ROBO1: variants seen among roughly 807,000 people sequenced by gnomAD.
ROBO1 encodes the protein roundabout guidance receptor 1, also known as roundabout homolog 1.
A neutral mutation model predicts 195.9 loss-of-function variants in ROBO1; 149 were observed. The observed-to-expected ratio is 0.76, with a 90% confidence interval of 0.67 to 0.87. ROBO1 has a LOEUF of 0.87. ROBO1 is among the 40% of genes least tolerant of loss of function. ROBO1 has a pLI of 0.00. For synonymous variants in ROBO1, 816 were observed against 733.2 expected (o/e 1.11, Z -1.82); for missense variants, 1,933 against 2,068.3 (o/e 0.93, Z 1.27).
chr3:78,768,795 G>GA (rs2083293390), intron 4 of ROBO1, among the ~76,000 whole-genome samples: 1 of 147,680 alleles, frequency 6.8e-6, no homozygotes, highest in South Asian at 2.2e-4. Context: ...ATCTCCCAAT[G>GA]CTATCCCTCC....
chr3:78,936,328 C>G (rs2039805858), intron 4 of ROBO1, among the ~76,000 whole-genome samples: 1 of 152,040 alleles, frequency 6.6e-6, no homozygotes, highest in African/African-American at 2.4e-5. Flanking sequence ...GAAAGCATTA[C>G]CAACAACTGC....
At chr3:78,840,331 A>C (rs555623155) in intron 4 of ROBO1, among the ~76,000 whole-genome samples, 8 of 152,328 alleles carry the variant, frequency 5.3e-5, no homozygotes, top group African/African-American at 1.9e-4. Context: ...CCAGTCTACC[A>C]CTTATACTCA....
At chr3:79,448,633 A>T (rs942748334) in intron 2 of ROBO1, among the ~76,000 whole-genome samples, 3 of 152,168 alleles carry the variant, frequency 2.0e-5, no homozygotes, top group African/African-American at 7.2e-5. Context: ...TCACCGCGAT[A>T]TGAGCTTGAT....
At chr3:79,650,380 C>A (rs1945967125) in intron 1 of ROBO1, among the ~76,000 whole-genome samples, 1 of 151,470 alleles carries the variant, frequency 6.6e-6, no homozygotes, top group Non-Finnish European at 1.5e-5. Context: ...AAATGATAAT[C>A]AATTTATAAC....
chr3:78,765,123 C>A (rs1003870330), intron 4 of ROBO1, among the ~76,000 whole-genome samples: 2 of 151,914 alleles, frequency 1.3e-5, no homozygotes, highest in African/African-American at 4.8e-5. Context: ...AAGAGGAGCA[C>A]GTCACCATCA....
intron 21 of ROBO1, 94 bp downstream of exon 21, chr3:78,646,054 T>C: frequency 8.9e-7 from 1 of 1,121,784 alleles, no homozygotes; most frequent in Non-Finnish European, 1.3e-6. Flanking sequence ...ACCTTTAAGT[T>C]AGACTTTTTA....
At chr3:79,214,587 C>T (rs1402071534) in intron 2 of ROBO1, among the ~76,000 whole-genome samples, 1 of 151,822 alleles carries the variant, frequency 6.6e-6, no homozygotes, top group Admixed American at 6.6e-5. Context: ...TGTGCTCAAC[C>T]AATGTTAACT....
intron 1 of ROBO1, among the ~76,000 whole-genome samples, chr3:79,765,359 C>G (rs1217503850): frequency 1.3e-5 from 2 of 152,132 alleles, no homozygotes; most frequent in Admixed American, 6.5e-5. Flanking sequence ...ATATCTGCTC[C>G]GAGCTGCTGC....
At chr3:79,344,617 T>A (rs529801231) in intron 2 of ROBO1, among the ~76,000 whole-genome samples, 1 of 152,202 alleles carries the variant, frequency 6.6e-6, no homozygotes, top group South Asian at 2.1e-4. Context: ...TTGCTGTTGT[T>A]TTTCTAAGGT....
chr3:79,247,226 TTCTC>T (rs929124683), intron 2 of ROBO1, among the ~76,000 whole-genome samples: 17 of 150,572 alleles, frequency 1.1e-4, no homozygotes, highest in African/African-American at 3.9e-4. Context: ...ATTTCTTCGT[TTCTC>T]TCTATGAACA....
chr3:79,564,099 T>G (rs1943014461), intron 2 of ROBO1, among the ~76,000 whole-genome samples: 1 of 151,100 alleles, frequency 6.6e-6, no homozygotes, highest in South Asian at 2.1e-4. Context: ...AGATAAACAC[T>G]CTTGTTTGAG....
chr3:79,259,579 T>C (rs2082901850), intron 2 of ROBO1, among the ~76,000 whole-genome samples: 1 of 152,074 alleles, frequency 6.6e-6, no homozygotes, highest in South Asian at 2.1e-4. Flanking sequence ...CCTCCCCCTA[T>C]GCCCCCACTA....
chr3:79,634,534 G>T (rs1945440056), intron 1 of ROBO1, among the ~76,000 whole-genome samples: 1 of 152,142 alleles, frequency 6.6e-6, no homozygotes, highest in Admixed American at 6.5e-5. Flanking sequence ...AAGAAGAAAG[G>T]ATTGCTAAAG....
chr3:79,434,287 G>A (rs147727880), intron 2 of ROBO1, among the ~76,000 whole-genome samples: 41,908 of 151,992 alleles, frequency 0.28, 6,353 homozygotes, highest in East Asian at 0.38. Flanking sequence ...GCAACCTACA[G>A]AATGGGAGAA....
At chr3:79,760,155 T>TGAACC (rs1395221931) in intron 1 of ROBO1, among the ~76,000 whole-genome samples, 2 of 143,278 alleles carry the variant, frequency 1.4e-5, no homozygotes, top group Non-Finnish European at 3.0e-5. Flanking sequence ...GAGAATTGCT[T>TGAACC]GAACCTAGGA....
At chr3:79,173,462 G>A (rs1358669388) in intron 2 of ROBO1, among the ~76,000 whole-genome samples, 1 of 152,094 alleles carries the variant, frequency 6.6e-6, no homozygotes, top group Non-Finnish European at 1.5e-5. Context: ...CCTGGGCAAT[G>A]AGGAGCTTAG....
chr3:78,936,849 T>C (rs921326138), intron 4 of ROBO1, among the ~76,000 whole-genome samples: 6 of 152,020 alleles, frequency 3.9e-5, no homozygotes, highest in African/African-American at 1.4e-4. Context: ...ACATTCAAAT[T>C]GGCCTTAAAA....
At chr3:78,977,750 C>T (rs942132966) in intron 3 of ROBO1, among the ~76,000 whole-genome samples, 1 of 151,930 alleles carries the variant, frequency 6.6e-6, no homozygotes, top group African/African-American at 2.4e-5. Flanking sequence ...TTTGGAGGTT[C>T]CTTACTCCTA....
At chr3:79,330,724 A>G (rs1396513103) in intron 2 of ROBO1, among the ~76,000 whole-genome samples, 3 of 151,400 alleles carry the variant, frequency 2.0e-5, no homozygotes, top group African/African-American at 7.3e-5. Flanking sequence ...GACCAATGAA[A>G]TCTTGTTTTT....
Sources: gnomAD v4.1 joint callset for allele counts (sites outside exome capture counted in the v4.1 genomes callset) on GRCh38, gnomAD v4.1.1 for gene constraint, MANE v1.5 for transcripts, NCBI Gene and HGNC (gene_info 2026-07-23, HGNC 2026-07-21) for gene names.